QTRT2: variants seen among roughly 807,000 people sequenced by gnomAD.
The protein encoded by QTRT2 is queuine tRNA-ribosyltransferase accessory subunit 2.
In QTRT2, 32 loss-of-function variants were observed where a neutral mutation model predicts 44.8. The observed-to-expected ratio is 0.71, with a 90% confidence interval of 0.54 to 0.96. QTRT2 has a LOEUF of 0.96. Ranked by LOEUF, QTRT2 falls within the 40% of genes least tolerant of loss-of-function variation. The pLI is 0.00. For missense variants in QTRT2, 461 were observed against 503.1 expected, an observed-to-expected ratio of 0.92 and a Z score of 0.80; for synonymous variants, 182 against 187.4, an observed-to-expected ratio of 0.97 and a Z score of 0.24.
At position 114,079,943 on chromosome 3, in the gene QTRT2, G is replaced by C; in HGVS notation, c.784G>C (p.Glu262Gln). 4.3e-6 allele frequency: 7 copies of C among 1,613,732 alleles called. No homozygotes were observed. In the Middle Eastern group the frequency reaches 5.0e-4, roughly 114 times the overall value. The change falls in exon 8 of 10, where the codon GAG becomes CAG. Residue 262 changes from glutamate to glutamine, a missense_variant. Physicochemically the swap from Glu to Gln is conservative, Grantham distance 29. Transcript: ENST00000281273. Reference protein sequence around the residue: ...SGVSRPDEVLECIERGVDLFE... With the variant: ...SGVSRPDEVLQCIERGVDLFE... ...TGTTAGTCGGCCAGATGAGGTGCTC[G>C]AGTGTATTGAAAGAGGAGTGGACTT...
At chr3:114,075,028 T>C (rs1477726197) in intron 6 of QTRT2, among the ~76,000 whole-genome samples, 1 of 152,184 alleles carries the variant, frequency 6.6e-6, no homozygotes, top group South Asian at 2.1e-4. Context: ...CCTTGGCACA[T>C]GTGAATGAGT....
rs777953219 is a variant in QTRT2 at position 114,070,759 on chromosome 3, C to A, written c.467C>A (p.Ser156Tyr). The change falls in exon 6 of 10, where the codon TCC (serine) becomes TAC (tyrosine). Residue 156 changes from serine (S) to tyrosine (Y), a missense_variant. Coordinates refer to ENST00000281273, the MANE Select transcript of QTRT2 (RefSeq NM_024638.4). The stretch of plus-strand genomic sequence containing the variant: ...GAAGTATCTTGTAAGGAAGCAACTT[C>A]CATAAAAAGGGTCAGAAAGTCTGTT... Reference protein sequence around the residue: ...DGEVSCKEATSIKRVRKSVDR... With the variant: ...DGEVSCKEATYIKRVRKSVDR... 3.7e-6 allele frequency: 6 copies of A among 1,614,014 alleles called. No homozygotes were observed. The South Asian group carries it at 6.6e-5, about 18-fold the overall frequency.
At chr3:114,074,693 A>G (rs2077066169) in intron 6 of QTRT2, among the ~76,000 whole-genome samples, 1 of 152,148 alleles carries the variant, frequency 6.6e-6, no homozygotes, top group Admixed American at 6.5e-5. Flanking sequence ...CCTTTCTTCT[A>G]CTGGAGAGCC....
chr3:114,077,059 C>A, intron 7 of QTRT2, 117 bp downstream of exon 7: 2 of 987,720 alleles, frequency 2.0e-6, no homozygotes, highest in South Asian at 1.6e-5. Flanking sequence ...TGTTTATGTC[C>A]TTTCTGGGCT....
intron 3 of QTRT2, 55 bp from the exon 4 acceptor site, chr3:114,066,173 A>G: frequency 7.8e-7 from 1 of 1,275,586 alleles, no homozygotes; most frequent in South Asian, 1.2e-5. Context: ...AGTTGTACAG[A>G]GTATTTACAG....
intron 6 of QTRT2, among the ~76,000 whole-genome samples, chr3:114,076,216 G>A (rs566721742): frequency 6.6e-6 from 1 of 152,234 alleles, no homozygotes; most frequent in East Asian, 1.9e-4. Flanking sequence ...ACCCTGGATG[G>A]AATGCAGTGG....
chr3:114,080,079 T>G (rs765645323), intron 8 of QTRT2, 22 bp downstream of exon 8: 2 of 1,554,930 alleles, frequency 1.3e-6, no homozygotes, highest in Non-Finnish European at 1.7e-6. Flanking sequence ...GAAGTTTATC[T>G]CTTATCCTTA....
intron 4 of QTRT2, 77 bp from the exon 5 acceptor site, chr3:114,067,910 C>T (rs769707723): frequency 2.5e-5 from 32 of 1,300,632 alleles, no homozygotes; most frequent in East Asian, 1.6e-4. Context: ...GTACACATTG[C>T]GAAGCTGCTC....
chr3:114,074,943 G>C (rs879041706), intron 6 of QTRT2, among the ~76,000 whole-genome samples: 2 of 152,096 alleles, frequency 1.3e-5, no homozygotes, highest in Non-Finnish European at 2.9e-5. Context: ...TATGATCTAC[G>C]TAAGCCTTTA....
intron 1 of QTRT2, 27 bp from the exon 2 acceptor site, chr3:114,056,972 C>A (rs957970057): frequency 1.1e-5 from 16 of 1,470,940 alleles, no homozygotes; most frequent in African/African-American, 1.4e-5. Flanking sequence ...TGTACTCCCG[C>A]CATGTCTCCT....
intron 4 of QTRT2, 130 bp downstream of exon 4, chr3:114,066,413 A>G: frequency 1.6e-6 from 1 of 609,322 alleles, no homozygotes; most frequent in South Asian, 2.1e-5. Context: ...TTGAACATCT[A>G]AGAGCCAGGC....
At position 114,070,787 on chromosome 3, in the gene QTRT2, C is replaced by T. The variant is rs957771878; in HGVS notation, c.495C>T (p.Asp165=). 3 of 1,613,912 alleles carry T rather than the reference C, an allele frequency of 1.9e-6. No homozygotes were observed. The highest frequency in any genetic ancestry group is 2.5e-6 in the Non-Finnish European group (3 of 1,179,984). ...TAAAAAGGGTCAGAAAGTCTGTTGA[C>T]CGATCACTTCTTTTCTTGGATAACT... ...TSIKRVRKSV[D]RSLLFLDNCL... Residue 165 remains aspartate (D), a synonymous_variant, in exon 6 of 10, where the codon GAC becomes GAT. Transcript: ENST00000281273.
chr3:114,061,673 G>A (rs1326138740), intron 2 of QTRT2, among the ~76,000 whole-genome samples: 1 of 152,064 alleles, frequency 6.6e-6, no homozygotes, highest in African/African-American at 2.4e-5. Flanking sequence ...TGCCTCCCTG[G>A]CTTAAGGGAT....
intron 2 of QTRT2, among the ~76,000 whole-genome samples, chr3:114,060,612 C>T (rs946482388): frequency 6.6e-6 from 1 of 152,060 alleles, no homozygotes; most frequent in Non-Finnish European, 1.5e-5. Flanking sequence ...AATAGACAGA[C>T]AGTATGATGT....
chr3:114,063,421 G>C (rs1327493766), intron 2 of QTRT2, among the ~76,000 whole-genome samples: 1 of 152,040 alleles, frequency 6.6e-6, no homozygotes, highest in Non-Finnish European at 1.5e-5. Context: ...TAGTTTTACA[G>C]TTTTCTTAAA....
chr3:114,083,108 A>G (rs1408629374), intron 9 of QTRT2: 6 of 295,464 alleles, frequency 2.0e-5, no homozygotes, highest in Admixed American at 1.5e-4. Flanking sequence ...TAAAACAACA[A>G]AGTTTTAAAT....
chr3:114,082,601 A>C, intron 8 of QTRT2, 76 bp from the exon 9 acceptor site: 1 of 571,768 alleles, frequency 1.7e-6, no homozygotes, highest in South Asian at 2.9e-5. Flanking sequence ...ATGAAATAAT[A>C]ACTAAAATAA....
At chr3:114,082,561 C>T in intron 8 of QTRT2, 116 bp from the exon 9 acceptor site, 1 of 523,226 alleles carries the variant, frequency 1.9e-6, no homozygotes, top group South Asian at 3.6e-5. Flanking sequence ...AGGATAAATT[C>T]TCAGGAGTGA....
chr3:114,072,301 C>T (rs989475258), intron 6 of QTRT2, among the ~76,000 whole-genome samples: 5 of 151,942 alleles, frequency 3.3e-5, no homozygotes, highest in Admixed American at 6.6e-5. Flanking sequence ...TACAGGCATG[C>T]GCCACCGTGC....
Sources: allele counts gnomAD v4.1 joint callset (sites outside exome capture counted in the v4.1 genomes callset), GRCh38; gene constraint gnomAD v4.1.1; transcripts MANE v1.5; gene names NCBI Gene and HGNC (gene_info 2026-07-23, HGNC 2026-07-21).